Variants in FGF9 observed in about 807,000 individuals in gnomAD.
The protein encoded by FGF9 is fibroblast growth factor 9 (glia-activating factor).
A neutral mutation model predicts 19.9 loss-of-function variants in FGF9; 3 were observed. The ratio of observed to expected loss-of-function variants is 0.15; its 90% CI spans 0.07 to 0.39. The LOEUF (loss-of-function observed/expected upper bound fraction) is 0.39. FGF9 is among the 10% of genes least tolerant of loss of function. The pLI, the probability that FGF9 is intolerant of heterozygous loss-of-function variation, is 1.00. For missense variants in FGF9, 175 were observed against 256.8 expected, an observed-to-expected ratio of 0.68 and a Z score of 2.18; for synonymous variants, 107 against 106.9, an observed-to-expected ratio of 1.00 and a Z score of -0.01.
At chr13:21,701,092 A>G in intron 2 of FGF9, 98 bp from the exon 3 acceptor site, 1 of 893,248 alleles carries the variant, frequency 1.1e-6, no homozygotes, top group Non-Finnish European at 1.8e-6. Context: ...AACGTGTGCC[A>G]AGGTGGTTTG....
At chr13:21,680,152 G>A (rs770964978) in intron 1 of FGF9, among the ~76,000 whole-genome samples, 1 of 152,058 alleles carries the variant, frequency 6.6e-6, no homozygotes, top group Non-Finnish European at 1.5e-5. Context: ...TCATTGTGTC[G>A]ATTTGATTTT....
chr13:21,673,685 G>T (rs768216628), intron 1 of FGF9, among the ~76,000 whole-genome samples: 5 of 152,006 alleles, frequency 3.3e-5, no homozygotes, highest in Admixed American at 6.5e-5. Flanking sequence ...CAGAACAACA[G>T]GCAGTGGGCG....
intron 2 of FGF9, among the ~76,000 whole-genome samples, chr13:21,682,272 C>G (rs944086822): frequency 1.3e-5 from 2 of 152,016 alleles, no homozygotes; most frequent in Admixed American, 6.6e-5. Context: ...CTTGGTCTCC[C>G]AAAGTAACTT....
chr13:21,697,223 T>TCAAGGC (rs1161354913), intron 2 of FGF9, among the ~76,000 whole-genome samples: 38 of 152,336 alleles, frequency 2.5e-4, no homozygotes, highest in African/African-American at 7.9e-4. Context: ...AGTGTCACAA[T>TCAAGGC]CACGGCTCAC....
In FGF9 at chr13:21,701,743, G is replaced by A; in HGVS notation, c.*308G>A. The A allele has an allele frequency of 1.8e-5, 6 of 339,028 alleles. No individual in the cohort carries two copies. The highest frequency in any genetic ancestry group is 3.1e-5 in the South Asian group (1 of 32,734). 21.0% of individuals were successfully genotyped at this position (339,028 alleles called of 1,614,324 possible). A position where few individuals can be genotyped will look rare whatever the true frequency, so the allele number is the denominator to read the frequency against. On this transcript the variant is annotated 3_prime_UTR_variant, in exon 3 of 3. Coordinates refer to ENST00000382353, the MANE Select transcript of FGF9 (RefSeq NM_002010.3). ...TGTGTGTGTGTGTGTGTGTGTGTAT[G>A]TGTGTAGCGGGAGATGTGGGCGGAG... is the stretch of plus-strand genomic sequence containing the variant.
At position 21,703,298 on chromosome 13, in the gene FGF9, T is replaced by G. The variant is rs1475378963; in HGVS notation, c.*1863T>G. 1 of 152,234 alleles carries G rather than the reference T, an allele frequency of 6.6e-6. No individual in the cohort carries two copies. Among genetic ancestry groups the G allele is most frequent in the Non-Finnish European group, 1.5e-5 (1 of 68,050 alleles). The allele number at this position is 152,234 out of a possible 1,614,324, so 9.4% of individuals were successfully genotyped here. A position where few individuals can be genotyped will look rare whatever the true frequency, so the allele number is the denominator to read the frequency against. ...TGTGTCACTGGTGAGTGACAGCTGTTATGAGCTAGAAGCGCATGACTTATT... is the reference window on the plus strand; with the variant it reads ...TGTGTCACTGGTGAGTGACAGCTGTGATGAGCTAGAAGCGCATGACTTATT... On this transcript the variant is annotated 3_prime_UTR_variant, in exon 3 of 3. Coordinates refer to ENST00000382353, the MANE Select transcript of FGF9 (RefSeq NM_002010.3).
Position 21,672,608 on chromosome 13 carries a change from GTTTTTT to G in FGF9, c.277+421_277+426del, listed in dbSNP as rs757465926. ...GTGGGTATCTTGTGCCCAAATTAAGGTTTTTTTCCTTTCCCCCTTTCCTCTAGTAAG... is the reference window on the plus strand; with the variant it reads ...GTGGGTATCTTGTGCCCAAATTAAGGTCCTTTCCCCCTTTCCTCTAGTAAG... On this transcript the variant is annotated intron_variant, in intron 1 of 2. Transcript: ENST00000382353. The surrounding 1 kb of genome is among the most constrained non-coding windows in gnomAD (Gnocchi z 4.2). Among the ~76,000 whole-genome samples, 1 of 152,106 alleles carries G rather than the reference GTTTTTT, an allele frequency of 6.6e-6. No individual in the cohort carries two copies. The highest frequency in any genetic ancestry group is 2.1e-4 in the South Asian group (1 of 4,824).
At chr13:21,694,024 T>C (rs1327733159) in intron 2 of FGF9, among the ~76,000 whole-genome samples, 1 of 152,182 alleles carries the variant, frequency 6.6e-6, no homozygotes, top group Non-Finnish European at 1.5e-5. Flanking sequence ...TGTGGATAAC[T>C]TTGCTTTCCA....
At chr13:21,687,635 T>G (rs1323176219) in intron 2 of FGF9, among the ~76,000 whole-genome samples, 2 of 152,206 alleles carry the variant, frequency 1.3e-5, no homozygotes, top group African/African-American at 4.8e-5. Context: ...CACCTCAGGA[T>G]GACTTGTTCC....
At chr13:21,688,971 T>A (rs998250051) in intron 2 of FGF9, among the ~76,000 whole-genome samples, 1 of 152,212 alleles carries the variant, frequency 6.6e-6, no homozygotes, top group Non-Finnish European at 1.5e-5. Flanking sequence ...TCTGGAGATT[T>A]TCCAGGTTTG....
chr13:21,698,075 T>G (rs1243795710), intron 2 of FGF9, among the ~76,000 whole-genome samples: 1 of 152,214 alleles, frequency 6.6e-6, no homozygotes, highest in Admixed American at 6.5e-5. Context: ...CCCAAAGTGC[T>G]GGGATTACAG....
At chr13:21,675,416 C>T (rs1330901429) in intron 1 of FGF9, among the ~76,000 whole-genome samples, 2 of 152,036 alleles carry the variant, frequency 1.3e-5, no homozygotes, top group African/African-American at 4.8e-5. Context: ...CTCGCCTTCC[C>T]AGCCCCGCCC....
chr13:21,701,513 G>C lies in FGF9; in HGVS notation c.*78G>C, dbSNP rs553610200. On this transcript the variant is annotated 3_prime_UTR_variant, in exon 3 of 3. Coordinates refer to ENST00000382353, the MANE Select transcript of FGF9 (RefSeq NM_002010.3). Reference sequence around the variant, plus strand: ...TCACGCGGTGGGTTCTTATTGATTCGCTGTGTCATCACATCAGCTCCACTG... The same window carrying C: ...TCACGCGGTGGGTTCTTATTGATTCCCTGTGTCATCACATCAGCTCCACTG... 5.0e-6 allele frequency: 8 copies of C among 1,600,484 alleles called. No individual in the cohort carries two copies. Among genetic ancestry groups the C allele is most frequent in the African/African-American group, 4.0e-5 (3 of 74,576 alleles).
chr13:21,684,378 G>C (rs1284445304), intron 2 of FGF9, among the ~76,000 whole-genome samples: 1 of 151,912 alleles, frequency 6.6e-6, no homozygotes, highest in Non-Finnish European at 1.5e-5. Context: ...CTTGTACATA[G>C]TAGGTGCTCG....
chr13:21,689,424 A>G (rs1039583105), intron 2 of FGF9, among the ~76,000 whole-genome samples: 2 of 151,200 alleles, frequency 1.3e-5, no homozygotes, highest in Admixed American at 1.3e-4. Flanking sequence ...GAATGAATGT[A>G]TTGTCAGTGG....
In FGF9 at chr13:21,671,881, T is replaced by A. The variant is rs777367470; in HGVS notation, c.-32T>A. The A allele has an allele frequency of 3.7e-6, 6 of 1,613,914 alleles. No individual in the cohort carries two copies. The highest frequency in any genetic ancestry group is 4.2e-6 in the Non-Finnish European group (5 of 1,179,926). On this transcript the variant is annotated 5_prime_UTR_variant, in exon 1 of 3. Transcript: ENST00000382353. ...CCTGGGTTGACACCATCATTATTGT[T>A]TATTCTTGTGCTCCAAAAGCCGAGT...
chr13:21,672,961 G>A lies in FGF9; in HGVS notation c.277+772G>A, dbSNP rs1871804142. Among the ~76,000 whole-genome samples the A allele has an allele frequency of 6.6e-6, 1 of 152,178 alleles. No individual in the cohort carries two copies. Among genetic ancestry groups the A allele is most frequent in the Non-Finnish European group, 1.5e-5 (1 of 68,030 alleles). On this transcript the variant is annotated intron_variant, in intron 1 of 2. Transcript: ENST00000382353. The surrounding 1 kb of genome is among the most constrained non-coding windows in gnomAD (Gnocchi z 4.2). ...GCAAACGCTGCGAGCGAATTTTAAA[G>A]GGCATTCCGAGGATTTCATTTTTCA...
intron 2 of FGF9, among the ~76,000 whole-genome samples, chr13:21,689,032 T>C (rs1222594555): frequency 2.0e-5 from 3 of 152,186 alleles, no homozygotes; most frequent in Non-Finnish European, 2.9e-5. Context: ...ATTTCCCGTC[T>C]GGGATGCGAA....
At position 21,690,184 on chromosome 13, in the gene FGF9, C is replaced by T. The variant is rs370969873; in HGVS notation, c.381+9039C>T. On this transcript the variant is annotated intron_variant, in intron 2 of 2. Coordinates refer to ENST00000382353, the MANE Select transcript of FGF9 (RefSeq NM_002010.3). Reference sequence around the variant, plus strand: ...GTAATCAGTCACACATTCGCACACTCGCTCACACACTCACACACTCTTCCA... The same window carrying T: ...GTAATCAGTCACACATTCGCACACTTGCTCACACACTCACACACTCTTCCA... 3.9e-5 allele frequency among the ~76,000 whole-genome samples: 6 copies of T among 152,056 alleles called. No individual in the cohort carries two copies. In the South Asian group the frequency reaches 6.2e-4, roughly 16 times the overall value.
Sources: gnomAD v4.1 joint callset for allele counts (sites outside exome capture counted in the v4.1 genomes callset) on GRCh38, gnomAD v4.1.1 for gene constraint, Gnocchi (gnomAD v3.1) non-coding constraint, MANE v1.5 for transcripts, NCBI Gene and HGNC (gene_info 2026-07-23, HGNC 2026-07-21) for gene names.